Variants in TTBK2 observed in about 807,000 individuals in gnomAD.
TTBK2 encodes tau tubulin kinase 2, also known as tau-tubulin kinase 2.
TTBK2 carries 28 observed loss-of-function variants against 110.8 expected under a neutral mutation model. The ratio of observed to expected loss-of-function variants is 0.25; its 90% CI spans 0.19 to 0.35. The LOEUF (loss-of-function observed/expected upper bound fraction) is 0.35, where lower values mean the gene tolerates loss of function less well. Ranked by LOEUF, TTBK2 falls within the 10% of genes least tolerant of loss-of-function variation. TTBK2 has a pLI of 1.00. For missense variants in TTBK2, 1,369 were observed against 1,500.3 expected, an observed-to-expected ratio of 0.91 and a Z score of 1.45; for synonymous variants, 532 against 527.3, an observed-to-expected ratio of 1.01 and a Z score of -0.12.
rs773395659 is a variant in TTBK2 at position 42,753,057 on chromosome 15, A to C, written c.2189T>G (p.Leu730Trp). The change falls in exon 14 of 15, where the codon TTG (leucine) becomes TGG (tryptophan). Residue 730 changes from leucine (L) to tryptophan (W), a missense_variant. Transcript: ENST00000267890. ...EPPSGGSRTD[L>W]GLQIDHIGHD... ...ACCAATGTGATCTATCTGAAGCCCC[A>C]AATCTGTTCTGCTTCCTCCACTAGG... 1.1e-5 allele frequency: 17 copies of C among 1,612,414 alleles called. No individual in the cohort carries two copies. Among genetic ancestry groups the C allele is most frequent in the Non-Finnish European group, 1.4e-5 (16 of 1,179,210 alleles).
intron 1 of TTBK2, among the ~76,000 whole-genome samples, chr15:42,917,794 A>G (rs1285126076): frequency 2.0e-5 from 3 of 152,198 alleles, no homozygotes; most frequent in Admixed American, 6.5e-5. Context: ...AAATAGCTCC[A>G]GCTACATTTT....
At position 42,793,490 on chromosome 15, in the gene TTBK2, A is replaced by G. The variant is rs561475476; in HGVS notation, c.980+1154T>C. Among the ~76,000 whole-genome samples, 32 of 152,250 alleles carry G rather than the reference A, an allele frequency of 2.1e-4. No individual in the cohort carries two copies. The South Asian group carries it at 6.4e-3, about 31-fold the overall frequency. ...CAGGAATTTGAGGCCATAGTGCACT[A>G]TGACTGTGCCTATAAATAGCCACTG... On this transcript the variant is annotated intron_variant, in intron 10 of 14. Transcript: ENST00000267890.
chr15:42,816,081 AATAAATAT>A (rs1287382671), intron 7 of TTBK2, among the ~76,000 whole-genome samples: 102 of 60,288 alleles, frequency 1.7e-3, no homozygotes, highest in African/African-American at 8.0e-3. Context: ...AAAATAAATA[AATAAATAT>A]ATATATATAT....
chr15:42,739,225 C>T lies in TTBK2; in HGVS notation c.*6570G>A, dbSNP rs763707154. On this transcript the variant is annotated 3_prime_UTR_variant, in exon 15 of 15. Transcript: ENST00000267890. ...TGGAGGGGAAAGGAACACAATAAAA[C>T]GCCTCTGGAGGTATTTCAAAGAGTA... 2.6e-5 allele frequency: 4 copies of T among 152,106 alleles called. No homozygotes were observed. Among genetic ancestry groups the T allele is most frequent in the Admixed American group, 6.6e-5 (1 of 15,260 alleles). The allele number at this position is 152,106 out of a possible 1,614,324, so 9.4% of individuals were successfully genotyped here. A position where few individuals can be genotyped will look rare whatever the true frequency, so the allele number is the denominator to read the frequency against.
In TTBK2 at chr15:42,870,378, T is replaced by C. The variant is rs185385338; in HGVS notation, c.217+2233A>G. Among the ~76,000 whole-genome samples the C allele has an allele frequency of 2.6e-5, 4 of 151,998 alleles. No individual in the cohort carries two copies. The East Asian group carries it at 5.8e-4, about 22-fold the overall frequency. ...CAAAGAGAAAGGAAAATACTAGTAA[T>C]GAGAGTTTTGCCTGAACTGAGAAAA... On this transcript the variant is annotated intron_variant, in intron 3 of 14. Transcript: ENST00000267890.
At chr15:42,781,992 T>C (rs1431633783) in intron 11 of TTBK2, among the ~76,000 whole-genome samples, 3 of 152,174 alleles carry the variant, frequency 2.0e-5, no homozygotes, top group Non-Finnish European at 4.4e-5. Context: ...AAGATAAATA[T>C]AGCTGTTTTG....
chr15:42,789,498 T>G (rs1270363018), intron 10 of TTBK2, among the ~76,000 whole-genome samples: 3 of 151,822 alleles, frequency 2.0e-5, no homozygotes, highest in Admixed American at 2.0e-4. Flanking sequence ...CTTTGGGAGG[T>G]TGAGGCAGGT....
chr15:42,781,579 G>T (rs918164805), intron 11 of TTBK2, among the ~76,000 whole-genome samples: 1 of 151,858 alleles, frequency 6.6e-6, no homozygotes, highest in Non-Finnish European at 1.5e-5. Flanking sequence ...TTGTGGTTTC[G>T]ATTTCATTCA....
intron 3 of TTBK2, among the ~76,000 whole-genome samples, chr15:42,866,410 C>T (rs1894374831): frequency 6.6e-6 from 1 of 152,084 alleles, no homozygotes. Flanking sequence ...GAGCTTCAAA[C>T]TACATGAGGT....
At chr15:42,763,171 T>TATATAC (rs1889146411) in intron 13 of TTBK2, among the ~76,000 whole-genome samples, 2 of 16,368 alleles carry the variant, frequency 1.2e-4, no homozygotes, top group Non-Finnish European at 2.3e-4. Flanking sequence ...TATATATATA[T>TATATAC]ATATATATAT....
intron 6 of TTBK2, among the ~76,000 whole-genome samples, chr15:42,822,156 C>A (rs893677145): frequency 6.6e-6 from 1 of 152,090 alleles, no homozygotes; most frequent in African/African-American, 2.4e-5. Context: ...GAGTTGTTTA[C>A]AGATCTTGGA....
chr15:42,763,022 C>A lies in TTBK2; in HGVS notation c.1999-9775G>T, dbSNP rs376189767. Reference sequence around the variant, plus strand: ...TTTGTTAAAGGATACAAAATTACAGCTAGAGAGAAGGAATAACTTCTAGTG... The same window carrying A: ...TTTGTTAAAGGATACAAAATTACAGATAGAGAGAAGGAATAACTTCTAGTG... On this transcript the variant is annotated intron_variant, in intron 13 of 14. Transcript: ENST00000267890. 1.0e-4 allele frequency among the ~76,000 whole-genome samples: 15 copies of A among 143,130 alleles called. No homozygotes were observed. The East Asian group carries it at 2.5e-3, about 24-fold the overall frequency. 93.9% of individuals were successfully genotyped at this position (143,130 alleles called of 152,430 possible). A position where few individuals can be genotyped will look rare whatever the true frequency, so the allele number is the denominator to read the frequency against.
At chr15:42,859,951 T>C (rs1484898076) in intron 3 of TTBK2, among the ~76,000 whole-genome samples, 3 of 151,960 alleles carry the variant, frequency 2.0e-5, no homozygotes, top group Non-Finnish European at 4.4e-5. Context: ...ATGCCTTTTA[T>C]AGGCTTATTA....
rs1292264403 is a variant in TTBK2 at position 42,775,561 on chromosome 15, AG to A, written c.1571del (p.Pro524LeufsTer13). ...DASKPASANT[P>X]EQADGGGSNG... is the part of the protein sequence containing the mutation. ...TGCTGCCACCACCATCTGCCTGCTC[AG>A]GGGTGTTGGCAGAAGCAGGCTTGGA... On this transcript the variant is annotated frameshift_variant, in exon 13 of 15. Coordinates refer to ENST00000267890, the MANE Select transcript of TTBK2 (RefSeq NM_173500.4). LOFTEE classifies it high-confidence loss of function. 1.2e-6 allele frequency: 2 copies of A among 1,614,176 alleles called. No individual in the cohort carries two copies. The highest frequency in any genetic ancestry group is 1.7e-5 in the Admixed American group (1 of 60,012).
chr15:42,886,410 C>T (rs951451416), intron 1 of TTBK2, among the ~76,000 whole-genome samples: 1 of 152,280 alleles, frequency 6.6e-6, no homozygotes, highest in Non-Finnish European at 1.5e-5. Context: ...CTTTATCTGA[C>T]CTCTCCCAAA....
chr15:42,746,544 T>C (rs1040357710), intron 14 of TTBK2, among the ~76,000 whole-genome samples: 2 of 152,204 alleles, frequency 1.3e-5, no homozygotes, highest in Admixed American at 1.3e-4. Flanking sequence ...TTAAATGGTA[T>C]TCGTTCCCTT....
intron 1 of TTBK2, among the ~76,000 whole-genome samples, chr15:42,903,381 T>G (rs2141195073): frequency 6.6e-6 from 1 of 152,266 alleles, no homozygotes; most frequent in African/African-American, 2.4e-5. Context: ...GAAATGTACT[T>G]AAGGCCACTG....
At chr15:42,815,931 A>AATAT (rs1291134154) in intron 7 of TTBK2, among the ~76,000 whole-genome samples, 11 of 50,564 alleles carry the variant, frequency 2.2e-4, no homozygotes, top group Non-Finnish European at 2.7e-4. Flanking sequence ...TATATTTAAA[A>AATAT]ATATATATAT....
rs1173834178 is a variant in TTBK2 at position 42,766,457 on chromosome 15, A to AAAAAAAAAAAAAAAG, written c.1998+8677_1998+8678insCTTTTTTTTTTTTTT. Among the ~76,000 whole-genome samples the AAAAAAAAAAAAAAAG allele has an allele frequency of 2.1e-5, 3 of 144,848 alleles. 1 individual carries two copies. Among genetic ancestry groups the AAAAAAAAAAAAAAAG allele is most frequent in the African/African-American group, 8.2e-5 (3 of 36,696 alleles). On this transcript the variant is annotated intron_variant, in intron 13 of 14. Transcript: ENST00000267890. ...AAGCGAATGGAAAGCAAAAAAAAAA[A>AAAAAAAAAAAAAAAG]AAAAAAAAAAGCAAGGGTTGCAATC... is the stretch of plus-strand genomic sequence containing the variant.
Sources: allele counts gnomAD v4.1 joint callset (sites outside exome capture counted in the v4.1 genomes callset), GRCh38; gene constraint gnomAD v4.1.1; transcripts MANE v1.5; gene names NCBI Gene and HGNC (gene_info 2026-07-23, HGNC 2026-07-21).